SAMD4A: variants seen among roughly 807,000 people sequenced by gnomAD.
The protein encoded by SAMD4A is protein Smaug homolog 1.
In SAMD4A, 33 loss-of-function variants were observed where a neutral mutation model predicts 81.3. The observed-to-expected ratio is 0.41, with a 90% CI of 0.31 to 0.54. SAMD4A has a LOEUF of 0.54. Among genes scored for constraint, SAMD4A ranks in the 20% least tolerant of loss-of-function variants. The probability of loss-of-function intolerance (pLI) is 0.37; values close to 1 mark genes in which losing one functional copy is unlikely to be tolerated. For missense variants in SAMD4A, 854 were observed against 951.1 expected (o/e 0.90, Z 1.34); for synonymous variants, 389 against 382.1 (o/e 1.02, Z -0.21).
chr14:54,767,230 G>T (rs949482405), intron 8 of SAMD4A, among the ~76,000 whole-genome samples: 1 of 152,194 alleles, frequency 6.6e-6, no homozygotes, highest in Non-Finnish European at 1.5e-5. Context: ...CCGTGAAGGC[G>T]CACAGCCTCC....
chr14:54,711,668 G>A (rs1330098889), intron 3 of SAMD4A, among the ~76,000 whole-genome samples: 6 of 152,134 alleles, frequency 3.9e-5, no homozygotes, highest in Non-Finnish European at 8.8e-5. Context: ...GTTCGGGGGA[G>A]GACATTGGTT....
intron 6 of SAMD4A, among the ~76,000 whole-genome samples, chr14:54,755,375 A>G (rs72713427): frequency 1.3e-3 from 205 of 152,268 alleles, no homozygotes; most frequent in Admixed American, 2.2e-3. Context: ...GAGCCCCACA[A>G]GGTTTGAAAG....
intron 2 of SAMD4A, among the ~76,000 whole-genome samples, chr14:54,665,599 C>T (rs1472286682): frequency 6.6e-6 from 1 of 152,082 alleles, no homozygotes; most frequent in East Asian, 1.9e-4. Context: ...TTGTCTTTTG[C>T]CTGTCAGGGC....
chr14:54,580,117 CT>C (rs2033421839), intron 2 of SAMD4A, among the ~76,000 whole-genome samples: 1 of 152,194 alleles, frequency 6.6e-6, no homozygotes, highest in African/African-American at 2.4e-5. Context: ...CTGAGGTGTA[CT>C]GGGGTCCACT....
rs2039254809 is a variant in SAMD4A at position 54,791,277 on chromosome 14, C to T, written c.*2333C>T. The T allele has an allele frequency of 6.6e-6, 1 of 152,146 alleles. No individual in the cohort carries two copies. The highest frequency in any genetic ancestry group is 6.5e-5 in the Admixed American group (1 of 15,274). The allele number at this position is 152,146 out of a possible 1,614,324, so 9.4% of individuals were successfully genotyped here. ...AAAGTGAATAAAGAGGAGAAAAAAC[C>T]ATGGTATTACACATCTTGCTGAGAA... On this transcript the variant is annotated 3_prime_UTR_variant, in exon 13 of 13. Coordinates refer to ENST00000554335, the MANE Select transcript of SAMD4A (RefSeq NM_015589.6).
chr14:54,667,483 G>A (rs1474919741), intron 2 of SAMD4A, among the ~76,000 whole-genome samples: 1 of 152,120 alleles, frequency 6.6e-6, no homozygotes, highest in Non-Finnish European at 1.5e-5. Context: ...CTGTGCCTTT[G>A]TTACACATGG....
At chr14:54,574,617 G>A (rs756859622) in intron 2 of SAMD4A, among the ~76,000 whole-genome samples, 23 of 152,184 alleles carry the variant, frequency 1.5e-4, no homozygotes, top group Non-Finnish European at 3.4e-4. Context: ...TATATTTAAA[G>A]ATACGAAAAT....
chr14:54,678,268 C>G (rs940241638), intron 2 of SAMD4A, among the ~76,000 whole-genome samples: 1 of 152,074 alleles, frequency 6.6e-6, no homozygotes, highest in Non-Finnish European at 1.5e-5. Context: ...ATCTCTGTGT[C>G]GTTAAAAATA....
intron 2 of SAMD4A, among the ~76,000 whole-genome samples, chr14:54,569,046 G>C (rs770376796): frequency 1.9e-4 from 29 of 151,986 alleles, no homozygotes; most frequent in Non-Finnish European, 3.1e-4. Context: ...AAGTCTGATG[G>C]TTGTGATTTT....
intron 3 of SAMD4A, among the ~76,000 whole-genome samples, chr14:54,707,718 T>C (rs1009168164): frequency 6.6e-6 from 1 of 150,656 alleles, no homozygotes; most frequent in African/African-American, 2.4e-5. Context: ...GAGCAGAGAG[T>C]TGAAGGAGTG....
intron 2 of SAMD4A, among the ~76,000 whole-genome samples, chr14:54,619,470 AC>A (rs1187559139): frequency 4.6e-5 from 7 of 152,172 alleles, no homozygotes; most frequent in African/African-American, 1.7e-4. Flanking sequence ...AACAAGTTTA[AC>A]CAAGGGCATG....
Position 54,567,669 on chromosome 14 carries a change from A to T in SAMD4A, c.-248A>T, listed in dbSNP as rs201002993. On this transcript the variant is annotated 5_prime_UTR_variant, in exon 2 of 13. Transcript: ENST00000554335. ...TTTTTAAAAAGTCGTTTTTTTTTTT[A>T]AAGAAACATTTCCGTGCTACTGTCT... The T allele has an allele frequency of 8.8e-4, 314 of 355,426 alleles. No homozygotes were observed. Among genetic ancestry groups the T allele is most frequent in the Middle Eastern group, 2.3e-3 (3 of 1,320 alleles). 22.0% of individuals were successfully genotyped at this position (355,426 alleles called of 1,614,324 possible).
chr14:54,566,081 A>G (rs1435635379), upstream of SAMD4A, among the ~76,000 whole-genome samples: 1 of 151,740 alleles, frequency 6.6e-6, no homozygotes, highest in African/African-American at 2.4e-5. Flanking sequence ...AATCAGTAGC[A>G]TGTGGGGAGC....
At chr14:54,762,687 C>G (rs190895689) in intron 7 of SAMD4A, among the ~76,000 whole-genome samples, 4 of 152,212 alleles carry the variant, frequency 2.6e-5, no homozygotes, top group African/African-American at 9.6e-5. Context: ...AAGCTGTAAC[C>G]CCAGTTAACA....
At chr14:54,624,342 G>A (rs2034694873) in intron 2 of SAMD4A, among the ~76,000 whole-genome samples, 1 of 152,212 alleles carries the variant, frequency 6.6e-6, no homozygotes, top group South Asian at 2.1e-4. Flanking sequence ...TGCGATGTGG[G>A]AAAGAAAAAG....
At chr14:54,753,929 A>G (rs1320083805) in intron 6 of SAMD4A, among the ~76,000 whole-genome samples, 1 of 152,216 alleles carries the variant, frequency 6.6e-6, no homozygotes, top group East Asian at 1.9e-4. Flanking sequence ...CTTTGGGGGA[A>G]CATTCAAAAG....
intron 3 of SAMD4A, among the ~76,000 whole-genome samples, chr14:54,709,542 G>C (rs975102315): frequency 6.6e-6 from 1 of 152,042 alleles, no homozygotes; most frequent in Non-Finnish European, 1.5e-5. Context: ...TGAAAAATCT[G>C]TTATGCAGCC....
At chr14:54,751,156 T>C (rs1349153607) in intron 5 of SAMD4A, among the ~76,000 whole-genome samples, 1 of 152,114 alleles carries the variant, frequency 6.6e-6, no homozygotes, top group Admixed American at 6.5e-5. Context: ...CTTGGGAGAC[T>C]GAGGTGAGAG....
intron 2 of SAMD4A, among the ~76,000 whole-genome samples, chr14:54,628,295 C>A (rs1055244761): frequency 6.6e-6 from 1 of 152,104 alleles, no homozygotes; most frequent in Non-Finnish European, 1.5e-5. Flanking sequence ...AAGTGACAGG[C>A]GCTTTGCCCG....
Sources: gnomAD v4.1 joint callset for allele counts (sites outside exome capture counted in the v4.1 genomes callset) on GRCh38, gnomAD v4.1.1 for gene constraint, MANE v1.5 for transcripts, NCBI Gene and HGNC (gene_info 2026-07-23, HGNC 2026-07-21) for gene names.